Variants in MZT2B observed in about 807,000 individuals in gnomAD.
The protein encoded by MZT2B is mitotic-spindle organizing protein 2B.
MZT2B carries 11 observed loss-of-function variants against 12.1 expected under a neutral mutation model. That is an observed-to-expected ratio of 0.91 (90% CI 0.57 to 1.50). The LOEUF (loss-of-function observed/expected upper bound fraction) is 1.50, where lower values mean the gene tolerates loss of function less well. Ranked by LOEUF, MZT2B falls within the 40% of genes most tolerant of loss-of-function variation. The pLI is 0.00. For missense variants in MZT2B, 209 were observed against 227.7 expected, an observed-to-expected ratio of 0.92 and a Z score of 0.53; for synonymous variants, 85 against 109.5, an observed-to-expected ratio of 0.78 and a Z score of 1.40.
At chr2:130,204,050 T>A in the MZT2B span, 7 of 512,516 alleles carry the variant, frequency 1.4e-5, no homozygotes, top group Non-Finnish European at 2.2e-5. Context: ...CATCTGTGGC[T>A]TTAATCTGTA....
upstream of MZT2B, chr2:130,181,926 G>A (rs1270846549): frequency 2.1e-6 from 3 of 1,442,836 alleles, no homozygotes; most frequent in African/African-American, 4.4e-5. Flanking sequence ...AAAATTGCAC[G>A]CTTTCTTGAA....
At chr2:130,201,397 C>T in the MZT2B span, among the ~76,000 whole-genome samples, 6 of 152,210 alleles carry the variant, frequency 3.9e-5, no homozygotes, top group Non-Finnish European at 8.8e-5. Flanking sequence ...CTGGTTTGCA[C>T]ACAGCCACCT....
the MZT2B span, among the ~76,000 whole-genome samples, chr2:130,196,888 C>T: frequency 6.6e-6 from 1 of 152,172 alleles, no homozygotes; most frequent in Non-Finnish European, 1.5e-5. Context: ...CCCTTGAGAA[C>T]AGCATCAGAG....
At chr2:130,188,604 C>G (rs1296590360) in intron 2 of MZT2B, among the ~76,000 whole-genome samples, 1 of 152,142 alleles carries the variant, frequency 6.6e-6, no homozygotes, top group African/African-American at 2.4e-5. Flanking sequence ...TTTGTTGAGT[C>G]AAGTGTGACA....
the MZT2B span, among the ~76,000 whole-genome samples, chr2:130,200,368 G>C: frequency 6.6e-6 from 1 of 150,902 alleles, no homozygotes; most frequent in Non-Finnish European, 1.5e-5. Flanking sequence ...TCCAGCCTGG[G>C]CAACACAGCG....
chr2:130,182,959 T>A (rs1689834587), intron 2 of MZT2B, 184 bp downstream of exon 2: 1 of 825,400 alleles, frequency 1.2e-6, no homozygotes, highest in Non-Finnish European at 1.8e-6. Context: ...AGGAGGCACG[T>A]CCAGGTCAGG....
At chr2:130,192,602 A>G (rs139896382), downstream of MZT2B, among the ~76,000 whole-genome samples, 2 of 152,180 alleles carry the variant, frequency 1.3e-5, no homozygotes, top group Non-Finnish European at 2.9e-5. Context: ...ATGGGTCAAG[A>G]GTCATATGAA....
intron 2 of MZT2B, among the ~76,000 whole-genome samples, chr2:130,187,750 G>T (rs1454087942): frequency 3.3e-5 from 5 of 152,168 alleles, no homozygotes; most frequent in Non-Finnish European, 4.4e-5. Flanking sequence ...AAAGTGAGGA[G>T]GCCTGAACAG....
chr2:130,190,428 G>A (rs1313700618), intron 2 of MZT2B, 41 bp from the exon 3 acceptor site: 1 of 1,604,852 alleles, frequency 6.2e-7, no homozygotes, highest in African/African-American at 1.3e-5. Context: ...GCAGTTACGG[G>A]GCACGCCCAT....
At chr2:130,182,185 C>G, upstream of MZT2B, 1 of 1,257,972 alleles carries the variant, frequency 7.9e-7, no homozygotes, top group South Asian at 2.5e-5. Context: ...GCCAGGGCAG[C>G]CCGGGAGGCC....
At chr2:130,182,187 C>A, upstream of MZT2B, 1 of 1,256,696 alleles carries the variant, frequency 8.0e-7, no homozygotes, top group Non-Finnish European at 1.0e-6. Flanking sequence ...CAGGGCAGCC[C>A]GGGAGGCCAG....
At chr2:130,204,614 C>T in the MZT2B span, among the ~76,000 whole-genome samples, 2 of 149,308 alleles carry the variant, frequency 1.3e-5, no homozygotes, top group African/African-American at 4.9e-5. Flanking sequence ...TTGCTTGAAC[C>T]TGGGAGGCGG....
downstream of MZT2B, chr2:130,193,650 C>G: frequency 2.1e-6 from 2 of 952,666 alleles, no homozygotes; most frequent in Non-Finnish European, 3.1e-6. Flanking sequence ...ATTATCAACT[C>G]TGGTTCACTA....
At chr2:130,203,080 C>G in the MZT2B span, among the ~76,000 whole-genome samples, 2 of 123,234 alleles carry the variant, frequency 1.6e-5, no homozygotes, top group South Asian at 2.6e-4. Flanking sequence ...GACAGAGTCT[C>G]TCTCTGTCAC....
upstream of MZT2B, chr2:130,181,751 T>G (rs776697493): frequency 2.6e-6 from 4 of 1,548,054 alleles, no homozygotes; most frequent in Non-Finnish European, 2.6e-6. Context: ...GAGGGAGTGG[T>G]CCTTAGCTGA....
Position 130,182,435 on chromosome 2 carries a change from C to T in MZT2B, c.153C>T (p.Ile51=), listed in dbSNP as rs749964413. 2.1e-5 allele frequency: 32 copies of T among 1,560,156 alleles called. No individual in the cohort carries two copies. Among genetic ancestry groups the T allele is most frequent in the Non-Finnish European group, 2.6e-5 (30 of 1,154,944 alleles). ...TGGCGCAGGCGGCGGGCGGCGCTAT[C>T]GACCCCGACGTGTTCAAGTGAGCGG... ...YELAQAAGGA[I]DPDVFKILVD... Residue 51 remains isoleucine, a synonymous_variant, in exon 1 of 3, where the codon ATC becomes ATT. Coordinates refer to ENST00000281871, the MANE Select transcript of MZT2B (RefSeq NM_025029.5).
At chr2:130,184,806 A>G in intron 2 of MZT2B, 2 of 985,408 alleles carry the variant, frequency 2.0e-6, no homozygotes, top group Non-Finnish European at 2.4e-6. Flanking sequence ...CCTAGCTCTC[A>G]GGGCAGAGGG....
At chr2:130,195,799 G>A in the MZT2B span, among the ~76,000 whole-genome samples, 3 of 152,200 alleles carry the variant, frequency 2.0e-5, no homozygotes, top group East Asian at 1.9e-4. Context: ...CAAGACTCTC[G>A]TGCACCAGCA....
intron 2 of MZT2B, among the ~76,000 whole-genome samples, chr2:130,187,604 G>A (rs555083263): frequency 1.3e-5 from 2 of 152,260 alleles, no homozygotes; most frequent in Admixed American, 1.3e-4. Flanking sequence ...CCAACCTGCA[G>A]CCACACTTGG....
Sources: gnomAD v4.1 joint callset for allele counts (sites outside exome capture counted in the v4.1 genomes callset) on GRCh38, gnomAD v4.1.1 for gene constraint, MANE v1.5 for transcripts, NCBI Gene and HGNC (gene_info 2026-07-23, HGNC 2026-07-21) for gene names.